The following SOX6 variants were observed in gnomAD, a reference collection of about 807,000 sequenced individuals.
The protein encoded by SOX6 is transcription factor SOX-6.
Under a neutral mutation model 97.8 loss-of-function variants are expected in SOX6, and 11 were observed. That is an observed-to-expected ratio of 0.11 (90% CI 0.07 to 0.19). The LOEUF (loss-of-function observed/expected upper bound fraction) is 0.19, where lower values mean the gene tolerates loss of function less well. SOX6 is among the 10% of genes least tolerant of loss of function. SOX6 has a pLI of 1.00. For missense variants in SOX6, 810 were observed against 1,039.5 expected (o/e 0.78, Z 3.04); for synonymous variants, 360 against 371.4 (o/e 0.97, Z 0.35).
At chr11:16,609,632 C>T (rs1848373869) in intron 4 of SOX6, among the ~76,000 whole-genome samples, 1 of 152,184 alleles carries the variant, frequency 6.6e-6, no homozygotes, top group South Asian at 2.1e-4. Context: ...GATGCAAGCA[C>T]AGAAGATGGA....
chr11:16,121,166 ATTACT>A (rs1250140217), intron 6 of SOX6, among the ~76,000 whole-genome samples: 6 of 152,064 alleles, frequency 3.9e-5, no homozygotes, highest in East Asian at 3.8e-4. Flanking sequence ...GTCAAAAGTA[ATTACT>A]TTATTTCTTA....
rs186056618 is a variant in SOX6 at position 16,200,058 on chromosome 11, G to T, written c.536-13103C>A. The stretch of plus-strand genomic sequence containing the variant: ...TTGCCCAAAGAAATGACTGTCCATG[G>T]AGTCACAGATGATTGATAAATTAAT... On this transcript the variant is annotated intron_variant, in intron 4 of 15. Transcript: ENST00000683767. 1.4e-3 allele frequency among the ~76,000 whole-genome samples: 210 copies of T among 152,198 alleles called. 3 individuals carry two copies. Among genetic ancestry groups the T allele is most frequent in the Admixed American group, 0.011 (164 of 15,276 alleles).
intron 4 of SOX6, among the ~76,000 whole-genome samples, chr11:16,227,977 C>A (rs566684623): frequency 6.6e-6 from 1 of 152,260 alleles, no homozygotes; most frequent in East Asian, 1.9e-4. Context: ...GCAGGCGGAT[C>A]AGCTGAGGTC....
intron 12 of SOX6, among the ~76,000 whole-genome samples, chr11:16,024,089 G>A (rs895086192): frequency 6.6e-6 from 1 of 152,090 alleles, no homozygotes; most frequent in African/African-American, 2.4e-5. Flanking sequence ...TCTGACTGGT[G>A]TACTTATACG....
At position 16,390,199 on chromosome 11, in the gene SOX6, C is replaced by A. The variant is rs549283531; in HGVS notation, c.-4-48947G>T. ...GGCTTTTTCCTTCCCAAGATTACCTCCTCACCTCTTAGCAGTTGTGGTTGC... is the reference window on the plus strand; with the variant it reads ...GGCTTTTTCCTTCCCAAGATTACCTACTCACCTCTTAGCAGTTGTGGTTGC... On this transcript the variant is annotated intron_variant, in intron 1 of 15. Coordinates refer to the SOX6 transcript ENST00000396356. Among the ~76,000 whole-genome samples, 12 of 145,056 alleles carry A rather than the reference C, an allele frequency of 8.3e-5. No individual in the cohort carries two copies. The South Asian group carries it at 2.1e-3, about 25-fold the overall frequency.
intron 1 of SOX6, among the ~76,000 whole-genome samples, chr11:16,427,215 A>G (rs1182810646): frequency 1.3e-5 from 2 of 152,154 alleles, no homozygotes; most frequent in Admixed American, 6.5e-5. Flanking sequence ...AAATTTTTGG[A>G]AACTATACAT....
intron 2 of SOX6, among the ~76,000 whole-genome samples, chr11:16,723,926 G>T (rs1309154841): frequency 6.6e-6 from 1 of 152,078 alleles, no homozygotes; most frequent in Non-Finnish European, 1.5e-5. Flanking sequence ...GAAACTTGAC[G>T]CCCAAAGAAT....
chr11:16,068,018 A>T (rs1317267279), intron 9 of SOX6, among the ~76,000 whole-genome samples: 1 of 152,212 alleles, frequency 6.6e-6, no homozygotes, highest in Non-Finnish European at 1.5e-5. Flanking sequence ...GGCCTAGCCA[A>T]GTTACCCTGT....
At chr11:16,088,071 T>A (rs539328213) in intron 9 of SOX6, among the ~76,000 whole-genome samples, 12 of 152,190 alleles carry the variant, frequency 7.9e-5, no homozygotes, top group Admixed American at 3.3e-4. Flanking sequence ...TGCTAAAAAA[T>A]TTTTTTGCTG....
At chr11:16,628,616 A>T (rs1291502341) in intron 3 of SOX6, among the ~76,000 whole-genome samples, 1 of 145,536 alleles carries the variant, frequency 6.9e-6, no homozygotes, top group Non-Finnish European at 1.5e-5. Context: ...GCAAGACTCC[A>T]TCTCAAAAAA....
At chr11:16,071,347 G>C (rs909513914) in intron 9 of SOX6, among the ~76,000 whole-genome samples, 3 of 152,362 alleles carry the variant, frequency 2.0e-5, no homozygotes, top group Admixed American at 6.5e-5. Flanking sequence ...TTCTAGCCCA[G>C]TGGTCTCACT....
rs201175772 is a variant in SOX6 at position 16,042,726 on chromosome 11, T to A, written c.1623+3788A>T. On this transcript the variant is annotated intron_variant, in intron 12 of 15. Coordinates refer to ENST00000683767, the MANE Select transcript of SOX6 (RefSeq NM_001367873.1). ...CCTCCAATTCTTTTACTCTACAGTTTTAATTCTACCCATATACTTCAGAGG... is the reference window on the plus strand; with the variant it reads ...CCTCCAATTCTTTTACTCTACAGTTATAATTCTACCCATATACTTCAGAGG... Among the ~76,000 whole-genome samples, 7 of 152,282 alleles carry A rather than the reference T, an allele frequency of 4.6e-5. No individual in the cohort carries two copies. The East Asian group carries it at 1.4e-3, about 29-fold the overall frequency.
At chr11:16,636,174 C>G (rs2133999664) in intron 3 of SOX6, among the ~76,000 whole-genome samples, 1 of 152,322 alleles carries the variant, frequency 6.6e-6, no homozygotes, top group East Asian at 1.9e-4. Context: ...CAATACCAGT[C>G]ATGAAAGCAG....
At chr11:16,140,066 T>C (rs1850089688) in intron 6 of SOX6, among the ~76,000 whole-genome samples, 1 of 151,592 alleles carries the variant, frequency 6.6e-6, no homozygotes, top group Non-Finnish European at 1.5e-5. Context: ...CATGCACACA[T>C]ACATACATAT....
chr11:16,242,619 G>A (rs1853227719), intron 3 of SOX6, among the ~76,000 whole-genome samples: 2 of 149,852 alleles, frequency 1.3e-5, no homozygotes, highest in Non-Finnish European at 3.0e-5. Context: ...GAAATTAAGT[G>A]AAAACTGAGG....
At chr11:16,660,306 A>C (rs1587569) in intron 3 of SOX6, among the ~76,000 whole-genome samples, 68 of 152,114 alleles carry the variant, frequency 4.5e-4, no homozygotes, top group African/African-American at 1.5e-3. Context: ...TTTTATTTTA[A>C]TTTACCTCAA....
intron 4 of SOX6, among the ~76,000 whole-genome samples, chr11:16,491,498 CTA>C (rs1491357337): frequency 6.6e-6 from 1 of 151,494 alleles, no homozygotes; most frequent in African/African-American, 2.4e-5. Context: ...TTCCAACAGT[CTA>C]TGTGTGTGTG....
intron 1 of SOX6, among the ~76,000 whole-genome samples, chr11:16,404,368 C>T (rs1413698893): frequency 6.6e-6 from 1 of 151,828 alleles, no homozygotes; most frequent in Non-Finnish European, 1.5e-5. Flanking sequence ...AAGCCCTCAC[C>T]ACGGGAATTC....
chr11:16,572,680 G>A (rs746419749), intron 4 of SOX6, among the ~76,000 whole-genome samples: 4 of 152,126 alleles, frequency 2.6e-5, no homozygotes, highest in Non-Finnish European at 5.9e-5. Context: ...TAGTGGATCT[G>A]CAAACAGGAA....
Sources: allele counts gnomAD v4.1 joint callset (sites outside exome capture counted in the v4.1 genomes callset), GRCh38; gene constraint gnomAD v4.1.1; transcripts MANE v1.5; gene names NCBI Gene and HGNC (gene_info 2026-07-23, HGNC 2026-07-21).